The following RORA variants were observed in gnomAD, a reference collection of about 807,000 sequenced individuals.
RORA encodes the protein nuclear receptor ROR-alpha.
RORA carries 7 observed loss-of-function variants against 69.5 expected under a neutral mutation model. The observed-to-expected ratio is 0.10, with a 90% CI of 0.06 to 0.19. The LOEUF is 0.19. RORA is among the 10% of genes least tolerant of loss of function. The probability of loss-of-function intolerance (pLI) is 1.00; values close to 1 mark genes in which losing one functional copy is unlikely to be tolerated. For missense variants in RORA, 457 were observed against 663.0 expected (o/e 0.69, Z 3.41); for synonymous variants, 261 against 240.8 (o/e 1.08, Z -0.78).
intron 1 of RORA, among the ~76,000 whole-genome samples, chr15:60,957,530 A>G (rs1463725621): frequency 6.6e-6 from 1 of 152,236 alleles, no homozygotes; most frequent in African/African-American, 2.4e-5. Context: ...ATGCTTATGG[A>G]ACACCTAATA....
At chr15:60,657,407 T>C (rs1394537525) in intron 2 of RORA, among the ~76,000 whole-genome samples, 3 of 152,112 alleles carry the variant, frequency 2.0e-5, no homozygotes, top group Non-Finnish European at 2.9e-5. Flanking sequence ...CTCTGGACAA[T>C]GGGACAAACC....
At chr15:61,207,961 T>C (rs1596072980) in intron 1 of RORA, among the ~76,000 whole-genome samples, 1 of 152,212 alleles carries the variant, frequency 6.6e-6, no homozygotes, top group East Asian at 1.9e-4. Flanking sequence ...AGCTGCTTAA[T>C]CACATTTTCA....
At chr15:60,616,342 C>T (rs1349070731) in intron 2 of RORA, among the ~76,000 whole-genome samples, 1 of 152,158 alleles carries the variant, frequency 6.6e-6, no homozygotes, top group Non-Finnish European at 1.5e-5. Context: ...ATGCGTCTGC[C>T]CTCTCATCTC....
At chr15:60,932,630 C>T (rs757290368) in intron 1 of RORA, among the ~76,000 whole-genome samples, 3 of 152,150 alleles carry the variant, frequency 2.0e-5, no homozygotes, top group Non-Finnish European at 2.9e-5. Flanking sequence ...AAGCTACCAG[C>T]GATTTGGCGG....
chr15:60,683,070 G>C (rs1040320555), intron 1 of RORA, among the ~76,000 whole-genome samples: 2 of 152,144 alleles, frequency 1.3e-5, no homozygotes, highest in African/African-American at 4.8e-5. Flanking sequence ...GAGTGCAGCG[G>C]CACCATCATA....
At chr15:61,083,838 G>T (rs1035351702) in intron 1 of RORA, among the ~76,000 whole-genome samples, 54 of 152,018 alleles carry the variant, frequency 3.6e-4, no homozygotes, top group Non-Finnish European at 7.5e-4. Flanking sequence ...CTAAAAGCAT[G>T]AGGAAAACAG....
At chr15:60,763,231 G>A (rs2071925730) in intron 1 of RORA, among the ~76,000 whole-genome samples, 1 of 151,952 alleles carries the variant, frequency 6.6e-6, no homozygotes, top group Admixed American at 6.6e-5. Flanking sequence ...AAGACAGCAA[G>A]CATCATCTTG....
chr15:61,091,462 C>T (rs192426662), intron 1 of RORA, among the ~76,000 whole-genome samples: 6 of 152,256 alleles, frequency 3.9e-5, no homozygotes, highest in Admixed American at 6.5e-5. Context: ...ACTTGTGTAA[C>T]GAAGGAAGCC....
Position 61,098,125 on chromosome 15 carries a change from CTCCCTCCCTCCCTCCTTCTT to C in RORA, c.166+130908_166+130927del, listed in dbSNP as rs1379157489. ...CTTCCCTCCCTCCCTCCTTCCTTCTCTCCCTCCCTCCCTCCTTCTTTCCCTCCCTCCCTTCCTTCCTTTCC... is the reference window on the plus strand; with the variant it reads ...CTTCCCTCCCTCCCTCCTTCCTTCTCTCCCTCCCTCCCTTCCTTCCTTTCC... On this transcript the variant is annotated intron_variant, in intron 1 of 10. Transcript: ENST00000335670. 2.4e-4 allele frequency among the ~76,000 whole-genome samples: 29 copies of C among 123,042 alleles called. 1 individual carries two copies. The East Asian group carries it at 5.3e-3, about 22-fold the overall frequency. 80.7% of individuals were successfully genotyped at this position (123,042 alleles called of 152,430 possible).
At chr15:61,072,030 G>A (rs2078374348) in intron 1 of RORA, among the ~76,000 whole-genome samples, 1 of 151,978 alleles carries the variant, frequency 6.6e-6, no homozygotes, top group Non-Finnish European at 1.5e-5. Flanking sequence ...TCACCCTGGA[G>A]GATATTTATA....
intron 1 of RORA, among the ~76,000 whole-genome samples, chr15:61,173,819 C>T (rs985583704): frequency 8.5e-5 from 13 of 152,098 alleles, no homozygotes; most frequent in African/African-American, 3.1e-4. Context: ...CCTGTGCCAC[C>T]GTGCCTGGAT....
chr15:60,524,180 C>T (rs2066270227), intron 3 of RORA, among the ~76,000 whole-genome samples: 2 of 152,244 alleles, frequency 1.3e-5, no homozygotes, highest in East Asian at 1.9e-4. Context: ...CTACTTGTCT[C>T]CATCTTTACT....
intron 1 of RORA, among the ~76,000 whole-genome samples, chr15:61,154,963 C>A (rs2079429953): frequency 6.6e-6 from 1 of 152,118 alleles, no homozygotes. Flanking sequence ...TTATCACGTT[C>A]CCGGATCCAG....
intron 1 of RORA, among the ~76,000 whole-genome samples, chr15:60,856,495 T>A (rs115276739): frequency 6.6e-6 from 1 of 151,690 alleles, no homozygotes; most frequent in South Asian, 2.1e-4. Context: ...CTGACCTTTT[T>A]TTTTTTTTCT....
At chr15:60,915,393 G>T (rs1259071865) in intron 1 of RORA, among the ~76,000 whole-genome samples, 3 of 152,224 alleles carry the variant, frequency 2.0e-5, no homozygotes, top group Non-Finnish European at 4.4e-5. Flanking sequence ...TTCCACTGGG[G>T]GGGCACAGGC....
chr15:60,670,294 C>G (rs574414723), intron 2 of RORA, among the ~76,000 whole-genome samples: 18 of 150,560 alleles, frequency 1.2e-4, no homozygotes, highest in African/African-American at 4.4e-4. Flanking sequence ...ACTGCCGCTT[C>G]GGCATCCCAG....
Position 61,094,891 on chromosome 15 carries a change from T to G in RORA, c.166+134162A>C, listed in dbSNP as rs531391241. On this transcript the variant is annotated intron_variant, in intron 1 of 10. Coordinates refer to ENST00000335670, the MANE Select transcript of RORA (RefSeq NM_134261.3). ...GGCGTTCCTCTGCCTGAGGAAGAAT[T>G]CAGAAAAGATGCTACTGGAGCGGGT... 4.9e-4 allele frequency among the ~76,000 whole-genome samples: 74 copies of G among 152,208 alleles called. 1 individual carries two copies. The highest frequency in any genetic ancestry group is 1.7e-3 in the African/African-American group (72 of 41,544).
Position 60,996,977 on chromosome 15 carries a change from G to A in RORA, c.166+232076C>T, listed in dbSNP as rs1894569646. Among the ~76,000 whole-genome samples, 4 of 152,086 alleles carry A rather than the reference G, an allele frequency of 2.6e-5. No individual in the cohort carries two copies. In the South Asian group the frequency reaches 8.3e-4, roughly 32 times the overall value. On this transcript the variant is annotated intron_variant, in intron 1 of 10. Transcript: ENST00000335670. Reference sequence around the variant, plus strand: ...TACACCATCCTCAAATACATTTTAGGAGCCTATAAAGTCCACAGTGGGTCA... The same window carrying A: ...TACACCATCCTCAAATACATTTTAGAAGCCTATAAAGTCCACAGTGGGTCA...
chr15:61,020,498 A>G (rs1040786153), intron 1 of RORA, among the ~76,000 whole-genome samples: 2 of 152,212 alleles, frequency 1.3e-5, no homozygotes, highest in African/African-American at 2.4e-5. Context: ...TAAAATGTGA[A>G]TGAGGCTCTT....
Sources: allele counts gnomAD v4.1 joint callset (sites outside exome capture counted in the v4.1 genomes callset), GRCh38; gene constraint gnomAD v4.1.1; transcripts MANE v1.5; gene names NCBI Gene and HGNC (gene_info 2026-07-23, HGNC 2026-07-21).